FGD5: variants seen among roughly 807,000 people sequenced by gnomAD.
The protein encoded by FGD5 is FYVE, RhoGEF and PH domain containing 5.
A neutral mutation model predicts 133.4 loss-of-function variants in FGD5; 28 were observed. The ratio of observed to expected loss-of-function variants is 0.21; its 90% CI spans 0.16 to 0.29. The LOEUF (loss-of-function observed/expected upper bound fraction) is 0.29. FGD5 is among the 10% of genes least tolerant of loss of function. FGD5 has a pLI of 1.00. For synonymous variants in FGD5, 810 were observed against 776.5 expected (o/e 1.04, Z -0.72); for missense variants, 1,858 against 1,895.2 (o/e 0.98, Z 0.36).
chr3:14,823,513 C>T (rs895134354), intron 1 of FGD5, among the ~76,000 whole-genome samples: 1 of 152,210 alleles, frequency 6.6e-6, no homozygotes, highest in Non-Finnish European at 1.5e-5. Flanking sequence ...AAATCTGCCT[C>T]TGTAGAATCA....
chr3:14,884,892 G>A (rs752623669), intron 4 of FGD5, among the ~76,000 whole-genome samples: 2 of 152,024 alleles, frequency 1.3e-5, no homozygotes, highest in Admixed American at 6.5e-5. Context: ...TGCGCCTGCC[G>A]ACAAAAAGTT....
chr3:14,846,788 T>C (rs2125090409), intron 1 of FGD5, among the ~76,000 whole-genome samples: 1 of 152,346 alleles, frequency 6.6e-6, no homozygotes, highest in East Asian at 1.9e-4. Context: ...TTTCTTCTCT[T>C]TGTTGGAGGT....
At chr3:14,834,645 G>A (rs574097169) in intron 1 of FGD5, among the ~76,000 whole-genome samples, 45 of 152,312 alleles carry the variant, frequency 3.0e-4, no homozygotes, top group African/African-American at 1.1e-3. Context: ...ATATTTGTAA[G>A]TCTTTTTTAC....
At chr3:14,880,538 C>T in intron 2 of FGD5, 34 bp from the exon 3 acceptor site, 1 of 1,609,262 alleles carries the variant, frequency 6.2e-7, no homozygotes, top group Non-Finnish European at 8.5e-7. Flanking sequence ...CCACTGATGC[C>T]TGTCCCACCT....
intron 4 of FGD5, among the ~76,000 whole-genome samples, chr3:14,886,540 C>T (rs2037926534): frequency 6.6e-6 from 1 of 152,216 alleles, no homozygotes; most frequent in Admixed American, 6.5e-5. Flanking sequence ...GCGTAAGGGG[C>T]AGGGACGTGC....
At chr3:14,858,694 C>T (rs556592766) in intron 1 of FGD5, among the ~76,000 whole-genome samples, 1 of 152,300 alleles carries the variant, frequency 6.6e-6, no homozygotes, top group East Asian at 1.9e-4. Flanking sequence ...TTTGACCATA[C>T]TGAGCAGAGT....
intron 18 of FGD5, among the ~76,000 whole-genome samples, chr3:14,927,273 T>C (rs576153840): frequency 6.0e-4 from 92 of 152,304 alleles, no homozygotes; most frequent in African/African-American, 2.1e-3. Context: ...GGGATTTTTA[T>C]CTTTCCAAAA....
At chr3:14,927,641 A>G (rs2038829578) in intron 18 of FGD5, among the ~76,000 whole-genome samples, 1 of 152,162 alleles carries the variant, frequency 6.6e-6, no homozygotes, top group Non-Finnish European at 1.5e-5. Flanking sequence ...TGCACTGTCT[A>G]CACCACTGTG....
In FGD5 at chr3:14,821,574, A is replaced by G; in HGVS notation, c.2503A>G (p.Ser835Gly). The G allele has an allele frequency of 3.1e-6, 5 of 1,604,400 alleles. No homozygotes were observed. Among genetic ancestry groups the G allele is most frequent in the Non-Finnish European group, 4.3e-6 (5 of 1,173,684 alleles). ...CAACGCCTTTGAGAGCAAACAGCAG[A>G]GTGCAGACCAGGACGCAGAAAGGTA... ...SFNAFESKQQ[S>G]ADQDAESAYT... The change falls in exon 1 of 20, where the codon AGT (serine) becomes GGT (glycine). Residue 835 changes from serine to glycine, a missense_variant. Physicochemically the swap from Ser to Gly is moderately conservative, Grantham distance 56. Transcript: ENST00000285046.
rs1430605158 is a variant in FGD5, at chr3:14,880,723, AC to A, written c.2718-16del. The A allele has an allele frequency of 6.2e-7, 1 of 1,613,990 alleles. No homozygotes were observed. Among genetic ancestry groups the A allele is most frequent in the South Asian group, 1.1e-5 (1 of 91,058 alleles). ...CAGGATGGGGATTAATGCAGCCTCA[AC>A]CCTCTTTCCCTCTGCAGATACGTGG... On this transcript the variant is annotated intron_variant, in intron 3 of 19. Transcript: ENST00000285046.
intron 11 of FGD5, among the ~76,000 whole-genome samples, chr3:14,911,428 G>A (rs941489237): frequency 7.2e-5 from 11 of 152,054 alleles, no homozygotes; most frequent in African/African-American, 2.7e-4. Context: ...AGTGGCTGTT[G>A]AGTGCCCCAA....
chr3:14,859,451 G>A (rs970430817), intron 1 of FGD5, among the ~76,000 whole-genome samples: 1 of 151,944 alleles, frequency 6.6e-6, no homozygotes, highest in South Asian at 2.1e-4. Flanking sequence ...CCAGCTACTC[G>A]GGAGGCGGAG....
chr3:14,934,492 T>C lies in FGD5; in HGVS notation c.*1325T>C, dbSNP rs1334457887. 6.6e-6 allele frequency: 1 copy of C among 152,244 alleles called. No individual in the cohort carries two copies. The highest frequency in any genetic ancestry group is 1.9e-4 in the East Asian group (1 of 5,202). The allele number at this position is 152,244 out of a possible 1,614,324, so 9.4% of individuals were successfully genotyped here. On this transcript the variant is annotated 3_prime_UTR_variant, in exon 20 of 20. Coordinates refer to ENST00000285046, the MANE Select transcript of FGD5 (RefSeq NM_152536.4). ...TCTCTGGACTTACTTGCATTAAATATTTTCAGGGGAATTTTTTTTTCCAGT... is the reference window on the plus strand; with the variant it reads ...TCTCTGGACTTACTTGCATTAAATACTTTCAGGGGAATTTTTTTTTCCAGT...
intron 7 of FGD5, among the ~76,000 whole-genome samples, chr3:14,899,924 A>AG (rs1159013718): frequency 6.6e-6 from 1 of 152,198 alleles, no homozygotes; most frequent in African/African-American, 2.4e-5. Flanking sequence ...GCAAGTACAA[A>AG]GGCCCTGGGG....
At position 14,907,689 on chromosome 3, in the gene FGD5, G is replaced by A. The variant is rs2038366430; in HGVS notation, c.3314G>A (p.Gly1105Glu). Residue 1105 changes from glycine to glutamate, a missense_variant, in exon 10 of 20, where the codon GGG (glycine) becomes GAG (glutamate). Gly to Glu is a moderately conservative substitution (Grantham distance 98). Around this residue, in one of 3 missense-constraint regions of FGD5, gnomAD observed 1,824 missense variants for 1,848.9 expected, o/e 0.99. Coordinates refer to ENST00000285046, the MANE Select transcript of FGD5 (RefSeq NM_152536.4). The part of the protein sequence containing the change: ...VHIEHSVRGQ[G>E]DLLQPGREFL... ...ATTGAGCACAGCGTCCGGGGCCAAG[G>A]GGATCTCCTCCAGCCAGGAAGGGTG... 6.2e-7 allele frequency: 1 copy of A among 1,613,604 alleles called. No individual in the cohort carries two copies.
chr3:14,898,968 C>G (rs796262677), intron 7 of FGD5, 142 bp downstream of exon 7: 16 of 725,100 alleles, frequency 2.2e-5, no homozygotes, highest in African/African-American at 2.1e-4. Flanking sequence ...CATCACCTTT[C>G]CCTCCAGTTG....
chr3:14,827,789 G>A (rs2036629930), intron 1 of FGD5, among the ~76,000 whole-genome samples: 1 of 152,114 alleles, frequency 6.6e-6, no homozygotes. Flanking sequence ...GGAGCAACCA[G>A]AAGTTCTCGG....
intron 1 of FGD5, among the ~76,000 whole-genome samples, chr3:14,844,217 A>AAAAATATAT (rs1559477363): frequency 1.5e-4 from 3 of 20,374 alleles, no homozygotes; most frequent in African/African-American, 4.1e-4. Context: ...AAAAAAAAAA[A>AAAAATATAT]ATATATATAT....
At chr3:14,884,945 G>A (rs1417392070) in intron 4 of FGD5, among the ~76,000 whole-genome samples, 2 of 151,898 alleles carry the variant, frequency 1.3e-5, no homozygotes, top group African/African-American at 4.8e-5. Context: ...TATCTACCGC[G>A]ACATCTAGAG....
Sources: gnomAD v4.1 joint callset for allele counts (sites outside exome capture counted in the v4.1 genomes callset) on GRCh38, gnomAD v4.1.1 for gene constraint, gnomAD v4.1.1 regional missense constraint, MANE v1.5 for transcripts, NCBI Gene and HGNC (gene_info 2026-07-23, HGNC 2026-07-21) for gene names.